The following GRID2 variants were observed in gnomAD, a reference collection of about 807,000 sequenced individuals.
GRID2 encodes glutamate ionotropic receptor delta type subunit 2.
Under a neutral mutation model 114.8 loss-of-function variants are expected in GRID2, and 33 were observed. The observed-to-expected ratio is 0.29, with a 90% CI of 0.22 to 0.38. GRID2 has a LOEUF of 0.38. Among genes scored for constraint, GRID2 ranks in the 10% least tolerant of loss-of-function variants. The pLI is 1.00. For missense variants in GRID2, 1,184 were observed against 1,257.7 expected (o/e 0.94, Z 0.89); for synonymous variants, 505 against 449.9 (o/e 1.12, Z -1.55).
At chr4:92,941,072 G>A (rs1461050244) in intron 2 of GRID2, among the ~76,000 whole-genome samples, 1 of 152,166 alleles carries the variant, frequency 6.6e-6, no homozygotes, top group Non-Finnish European at 1.5e-5. Context: ...TCAGGATGAT[G>A]CTGGCCTCAT....
chr4:92,978,815 T>G (rs903339939), intron 2 of GRID2, among the ~76,000 whole-genome samples: 1 of 152,106 alleles, frequency 6.6e-6, no homozygotes, highest in African/African-American at 2.4e-5. Context: ...GAGAATCACC[T>G]GGGGCCCGAG....
At chr4:93,103,527 T>A (rs1012346634) in intron 3 of GRID2, among the ~76,000 whole-genome samples, 1 of 152,132 alleles carries the variant, frequency 6.6e-6, no homozygotes, top group African/African-American at 2.4e-5. Context: ...CTCACATTAC[T>A]TTTTAGCATG....
rs891868833 is a variant in GRID2, at chr4:93,405,774, T to A, written c.1347+10066T>A. The stretch of plus-strand genomic sequence containing the variant: ...GTTAAGGTGTCCTTGAAGCTTTAAG[T>A]CATCTTTTGGCAATGCAGTAGTTTC... On this transcript the variant is annotated intron_variant, in intron 9 of 15. Coordinates refer to ENST00000282020, the MANE Select transcript of GRID2 (RefSeq NM_001510.4). Among the ~76,000 whole-genome samples, 51 of 152,160 alleles carry A rather than the reference T, an allele frequency of 3.4e-4. 1 individual carries two copies. The highest frequency in any genetic ancestry group is 1.6e-3 in the Admixed American group (25 of 15,256).
intron 13 of GRID2, among the ~76,000 whole-genome samples, chr4:93,602,886 G>A (rs533719947): frequency 6.6e-6 from 1 of 152,314 alleles, no homozygotes; most frequent in Non-Finnish European, 1.5e-5. Flanking sequence ...GAAATTAAAT[G>A]TGCTACTCCA....
Position 93,401,519 on chromosome 4 carries a change from G to A in GRID2, c.1347+5811G>A, listed in dbSNP as rs184695734. Among the ~76,000 whole-genome samples, 951 of 152,054 alleles carry A rather than the reference G, an allele frequency of 6.3e-3. 4 individuals are homozygous for A. Among genetic ancestry groups the A allele is most frequent in the South Asian group, 0.031 (147 of 4,812 alleles). On this transcript the variant is annotated intron_variant, in intron 9 of 15. Transcript: ENST00000282020. ...GGTATTTTTACAAATTAAGTTAATG[G>A]ATATTCCTGGAAAGTTAAGTTAAAC... is the stretch of plus-strand genomic sequence containing the variant.
intron 14 of GRID2, among the ~76,000 whole-genome samples, chr4:93,724,980 TTTTTAA>T (rs1285219664): frequency 2.0e-5 from 3 of 152,122 alleles, no homozygotes; most frequent in African/African-American, 4.8e-5. Context: ...ATGAGTTTTA[TTTTTAA>T]TTTTATTATT....
intron 1 of GRID2, among the ~76,000 whole-genome samples, chr4:92,446,502 G>T (rs1252769293): frequency 6.6e-6 from 1 of 152,170 alleles, no homozygotes; most frequent in African/African-American, 2.4e-5. Context: ...ACTTCTGTGT[G>T]GCTCTCCTAT....
chr4:92,884,166 A>G (rs1405270154), intron 2 of GRID2, among the ~76,000 whole-genome samples: 1 of 152,176 alleles, frequency 6.6e-6, no homozygotes, highest in Non-Finnish European at 1.5e-5. Context: ...CTTTTGTGTC[A>G]TGGAGATGGC....
chr4:93,481,105 G>A (rs1725819625), intron 11 of GRID2, among the ~76,000 whole-genome samples: 1 of 151,904 alleles, frequency 6.6e-6, no homozygotes, highest in South Asian at 2.1e-4. Flanking sequence ...CATACTATTT[G>A]GTGTAAACTT....
intron 2 of GRID2, among the ~76,000 whole-genome samples, chr4:93,013,776 C>T (rs1345267821): frequency 1.3e-5 from 2 of 151,732 alleles, no homozygotes; most frequent in African/African-American, 4.8e-5. Context: ...TTTAACTAAT[C>T]CACTTTTAAT....
chr4:93,567,446 T>A (rs1282334012), intron 13 of GRID2, among the ~76,000 whole-genome samples: 4 of 152,192 alleles, frequency 2.6e-5, no homozygotes, highest in Non-Finnish European at 4.4e-5. Flanking sequence ...CGTCTTCTGA[T>A]CTTAGATTAA....
At chr4:93,579,338 G>A (rs1736743480) in intron 13 of GRID2, among the ~76,000 whole-genome samples, 1 of 151,996 alleles carries the variant, frequency 6.6e-6, no homozygotes, top group African/African-American at 2.4e-5. Flanking sequence ...CCTTTTGTCG[G>A]GAAGCTCAAT....
intron 4 of GRID2, among the ~76,000 whole-genome samples, chr4:93,201,938 T>A (rs1243788310): frequency 2.0e-5 from 3 of 152,150 alleles, no homozygotes; most frequent in Non-Finnish European, 2.9e-5. Context: ...TTTCCTTTTT[T>A]GCTCAATTCC....
At chr4:92,565,369 G>C (rs1279413069) in intron 1 of GRID2, among the ~76,000 whole-genome samples, 1 of 151,838 alleles carries the variant, frequency 6.6e-6, no homozygotes, top group Non-Finnish European at 1.5e-5. Context: ...TTAGTTTACT[G>C]AATTCATATG....
chr4:92,471,042 A>G (rs1231618575), intron 1 of GRID2, among the ~76,000 whole-genome samples: 1 of 152,056 alleles, frequency 6.6e-6, no homozygotes, highest in East Asian at 1.9e-4. Flanking sequence ...CAAGTGGTAA[A>G]TATAATGGTG....
At chr4:93,608,057 T>TATATAA (rs1012379737) in intron 13 of GRID2, among the ~76,000 whole-genome samples, 7 of 148,900 alleles carry the variant, frequency 4.7e-5, no homozygotes, top group African/African-American at 7.3e-5. Context: ...TATATATATA[T>TATATAA]ACGTATATAA....
At chr4:92,556,828 A>C (rs543345471) in intron 1 of GRID2, among the ~76,000 whole-genome samples, 68 of 152,266 alleles carry the variant, frequency 4.5e-4, no homozygotes, top group African/African-American at 1.6e-3. Context: ...CACATTTGCC[A>C]TATTCTAATT....
intron 8 of GRID2, among the ~76,000 whole-genome samples, chr4:93,315,094 TG>T (rs1308822780): frequency 6.6e-5 from 10 of 152,228 alleles, no homozygotes; most frequent in African/African-American, 2.4e-4. Context: ...TCTTACATGG[TG>T]GCATGTAAGA....
intron 8 of GRID2, among the ~76,000 whole-genome samples, chr4:93,280,781 A>G (rs1370316135): frequency 6.6e-6 from 1 of 151,982 alleles, no homozygotes. Flanking sequence ...GATATGAGTA[A>G]TTATTCAAAT....
Sources: allele counts gnomAD v4.1 joint callset (sites outside exome capture counted in the v4.1 genomes callset), GRCh38; gene constraint gnomAD v4.1.1; transcripts MANE v1.5; gene names NCBI Gene and HGNC (gene_info 2026-07-23, HGNC 2026-07-21).